Variants in COA1 observed in about 807,000 individuals in gnomAD.
COA1 encodes cytochrome c oxidase assembly factor 1.
Under a neutral mutation model 16.0 loss-of-function variants are expected in COA1, and 13 were observed. That is an observed-to-expected ratio of 0.81 (90% confidence interval 0.53 to 1.29). COA1 has a LOEUF of 1.29. Ranked by LOEUF, COA1 falls within the 50% of genes most tolerant of loss-of-function variation. COA1 has a pLI of 0.00. For missense variants in COA1, 179 were observed against 177.0 expected, an observed-to-expected ratio of 1.01 and a Z score of -0.06; for synonymous variants, 65 against 65.7, an observed-to-expected ratio of 0.99 and a Z score of 0.05.
chr7:43,670,869 C>A (rs2093218242), intron 1 of COA1, among the ~76,000 whole-genome samples: 1 of 152,186 alleles, frequency 6.6e-6, no homozygotes, highest in East Asian at 1.9e-4. Context: ...GCCTGGCTCA[C>A]AGGATGTGTT....
intron 1 of COA1, among the ~76,000 whole-genome samples, chr7:43,694,259 A>T (rs1379707727): frequency 2.3e-5 from 2 of 87,554 alleles, no homozygotes; most frequent in Non-Finnish European, 6.2e-5. Context: ...TCCCATCTTT[A>T]AAAAAAAAAA....
In COA1 at chr7:43,674,758, A is replaced by G. The variant is rs145746103; in HGVS notation, c.-38-26106T>C. Among the ~76,000 whole-genome samples, 145 of 152,338 alleles carry G rather than the reference A, an allele frequency of 9.5e-4. 1 individual carries two copies. The highest frequency in any genetic ancestry group is 2.5e-3 in the South Asian group (12 of 4,824). Reference sequence around the variant, plus strand: ...TTAGTCACAGAGGGAGTAAATATGTATGACTCAGCATCAAGACTTATCTTC... The same window carrying G: ...TTAGTCACAGAGGGAGTAAATATGTGTGACTCAGCATCAAGACTTATCTTC... On this transcript the variant is annotated intron_variant, in intron 1 of 5. Transcript: ENST00000223336.
At chr7:43,727,651 T>C (rs2095644072) in intron 1 of COA1, among the ~76,000 whole-genome samples, 1 of 152,182 alleles carries the variant, frequency 6.6e-6, no homozygotes, top group Non-Finnish European at 1.5e-5. Flanking sequence ...TAATCCAGAA[T>C]AGTCAAATAT....
intron 1 of COA1, among the ~76,000 whole-genome samples, chr7:43,709,249 A>C (rs1389086857): frequency 3.3e-5 from 5 of 151,790 alleles, no homozygotes; most frequent in African/African-American, 9.7e-5. Flanking sequence ...GATGGTCTCA[A>C]TCTCCTGACC....
chr7:43,713,086 G>A (rs2095299883), intron 1 of COA1, among the ~76,000 whole-genome samples: 1 of 152,090 alleles, frequency 6.6e-6, no homozygotes, highest in Non-Finnish European at 1.5e-5. Context: ...CCAAATAGCT[G>A]GGATGACAGG....
At chr7:43,611,772 G>A (rs1231331023) in intron 6 of COA1, among the ~76,000 whole-genome samples, 1 of 152,168 alleles carries the variant, frequency 6.6e-6, no homozygotes, top group Non-Finnish European at 1.5e-5. Flanking sequence ...GCAAAATCGT[G>A]TATCTGTTTT....
chr7:43,655,018 T>C (rs573054343), intron 1 of COA1, among the ~76,000 whole-genome samples: 4 of 149,560 alleles, frequency 2.7e-5, no homozygotes, highest in East Asian at 3.9e-4. Context: ...TGAAAACATA[T>C]TGCAACTTAT....
intron 6 of COA1, among the ~76,000 whole-genome samples, chr7:43,627,059 T>TATCA (rs903293176): frequency 6.6e-6 from 1 of 152,218 alleles, no homozygotes; most frequent in African/African-American, 2.4e-5. Context: ...CCTTTTTTTC[T>TATCA]ATCACCAAAT....
intron 1 of COA1, among the ~76,000 whole-genome samples, chr7:43,685,788 T>A (rs1012282293): frequency 6.6e-6 from 1 of 152,216 alleles, no homozygotes; most frequent in Non-Finnish European, 1.5e-5. Context: ...CTGATGTTTT[T>A]TAAGTGGTAG....
intron 1 of COA1, among the ~76,000 whole-genome samples, chr7:43,688,462 A>G (rs920966807): frequency 2.0e-5 from 3 of 152,160 alleles, no homozygotes; most frequent in African/African-American, 7.2e-5. Flanking sequence ...TCTGTATTCC[A>G]TAACTTTATC....
At chr7:43,658,147 C>T (rs2091996729) in intron 1 of COA1, among the ~76,000 whole-genome samples, 1 of 151,918 alleles carries the variant, frequency 6.6e-6, no homozygotes, top group South Asian at 2.1e-4. Flanking sequence ...GAGGCCGAGG[C>T]GGGTGGATCA....
rs546367332 is a variant in COA1, at chr7:43,691,696, A to C, written c.-39+37733T>G. ...CTCTATCCTCTGACAAGAATTCTGC[A>C]TCCATCCACAGAAAAAAGTCTCTCT... On this transcript the variant is annotated intron_variant, in intron 1 of 5. Coordinates refer to ENST00000223336, the MANE Select transcript of COA1 (RefSeq NM_018224.4). Among the ~76,000 whole-genome samples the C allele has an allele frequency of 1.2e-4, 19 of 152,350 alleles. No individual in the cohort carries two copies. The South Asian group carries it at 3.1e-3, about 25-fold the overall frequency.
At chr7:43,694,891 G>C (rs2094482468) in intron 1 of COA1, among the ~76,000 whole-genome samples, 1 of 152,188 alleles carries the variant, frequency 6.6e-6, no homozygotes, top group African/African-American at 2.4e-5. Context: ...TAAACTCCAG[G>C]CTTCTCCCTC....
At chr7:43,728,718 A>C (rs2095671944) in intron 1 of COA1, among the ~76,000 whole-genome samples, 1 of 152,234 alleles carries the variant, frequency 6.6e-6, no homozygotes, top group African/African-American at 2.4e-5. Flanking sequence ...TGCAGGTGTA[A>C]GCGGAGAGTT....
chr7:43,724,496 A>G (rs1159878796), intron 1 of COA1, among the ~76,000 whole-genome samples: 1 of 151,968 alleles, frequency 6.6e-6, no homozygotes, highest in African/African-American at 2.4e-5. Context: ...GGTTGCAGTG[A>G]GCCAAGATCA....
intron 1 of COA1, among the ~76,000 whole-genome samples, chr7:43,693,801 G>A (rs189619563): frequency 5.3e-5 from 8 of 151,922 alleles, no homozygotes; most frequent in African/African-American, 9.7e-5. Flanking sequence ...TACCTAATCC[G>A]AACAAGTGAA....
At chr7:43,680,540 G>A (rs2093720901) in intron 1 of COA1, among the ~76,000 whole-genome samples, 1 of 152,182 alleles carries the variant, frequency 6.6e-6, no homozygotes, top group Non-Finnish European at 1.5e-5. Context: ...TAGCCTATGT[G>A]TTTTTAAATC....
rs541795532 is a variant in COA1 at position 43,618,283 on chromosome 7, A to T, written c.*134-8788T>A. ...TTACAGAGGAATTGGTTCTTTATTG[A>T]GACCCATCATGCATGGAATGAGGGA... On this transcript the variant is annotated intron_variant and NMD_transcript_variant, in intron 6 of 6. Transcript: ENST00000415076. Among the ~76,000 whole-genome samples the T allele has an allele frequency of 3.3e-5, 5 of 152,304 alleles. No individual in the cohort carries two copies. The South Asian group carries it at 1.0e-3, about 32-fold the overall frequency.
intron 6 of COA1, among the ~76,000 whole-genome samples, chr7:43,615,567 GT>G (rs1010762745): frequency 6.6e-6 from 1 of 152,058 alleles, no homozygotes; most frequent in Non-Finnish European, 1.5e-5. Flanking sequence ...GTACATAGGT[GT>G]TTTTTTCGTG....
Sources: gnomAD v4.1 joint callset for allele counts (sites outside exome capture counted in the v4.1 genomes callset) on GRCh38, gnomAD v4.1.1 for gene constraint, MANE v1.5 for transcripts, NCBI Gene and HGNC (gene_info 2026-07-23, HGNC 2026-07-21) for gene names.